Variants in AMD1 observed in about 807,000 individuals in gnomAD.
AMD1 encodes adenosylmethionine decarboxylase 1, also known as S-adenosylmethionine decarboxylase proenzyme.
In AMD1, 11 loss-of-function variants were observed where a neutral mutation model predicts 40.2. The observed-to-expected ratio is 0.27, with a 90% confidence interval of 0.17 to 0.45. The LOEUF (loss-of-function observed/expected upper bound fraction) is 0.45, where lower values mean the gene tolerates loss of function less well. AMD1 is among the 20% of genes least tolerant of loss of function. The pLI, the probability that AMD1 is intolerant of heterozygous loss-of-function variation, is 1.00. For missense variants in AMD1, 257 were observed against 410.2 expected, an observed-to-expected ratio of 0.63 and a Z score of 3.23; for synonymous variants, 121 against 130.8, an observed-to-expected ratio of 0.93 and a Z score of 0.51.
the AMD1 span, among the ~76,000 whole-genome samples, chr6:110,849,771 G>A: frequency 6.6e-6 from 1 of 152,128 alleles, no homozygotes; most frequent in Non-Finnish European, 1.5e-5. Flanking sequence ...TGTAATCCTA[G>A]CACTTTGGGA....
rs992022000 is a variant in AMD1 at position 110,894,816 on chromosome 6, C to G, written c.*1200C>G. The G allele has an allele frequency of 1.1e-4, 17 of 152,274 alleles. No homozygotes were observed. Among genetic ancestry groups the G allele is most frequent in the Non-Finnish European group, 2.1e-4 (14 of 68,030 alleles). The allele number at this position is 152,274 out of a possible 1,614,324, so 9.4% of individuals were successfully genotyped here. A position where few individuals can be genotyped will look rare whatever the true frequency, so the allele number is the denominator to read the frequency against. ...ACTGTGATGCATGTGAGTGTTCCGA[C>G]TTCATCTGTTCCTCTTAACTACGGT... On this transcript the variant is annotated 3_prime_UTR_variant, in exon 9 of 9. Transcript: ENST00000368885.
At chr6:110,819,063 AAAC>A in the AMD1 span, among the ~76,000 whole-genome samples, 1 of 152,150 alleles carries the variant, frequency 6.6e-6, no homozygotes, top group Admixed American at 6.6e-5. Flanking sequence ...AGGACGGTAA[AAAC>A]AACGATCTGG....
chr6:110,888,719 A>G (rs1785843947), intron 2 of AMD1, 138 bp from the exon 3 acceptor site: 1 of 795,470 alleles, frequency 1.3e-6, no homozygotes, highest in East Asian at 2.7e-5. Flanking sequence ...AAGGAAAAGA[A>G]TAATGTGTTA....
At chr6:110,875,314 T>C (rs746779124) in intron 1 of AMD1, 99 bp downstream of exon 1, 125 of 1,017,274 alleles carry the variant, frequency 1.2e-4, no homozygotes, top group Non-Finnish European at 1.6e-4. Flanking sequence ...CAGCTTTCAG[T>C]TGGGGGCAAG....
the AMD1 span, among the ~76,000 whole-genome samples, chr6:110,855,198 C>T: frequency 0.31 from 46,887 of 150,448 alleles, 8,082 homozygotes; most frequent in East Asian, 0.67. Context: ...CTGGCCTATG[C>T]CAGCTTTTTA....
At chr6:110,815,812 C>G in the AMD1 span, 1 of 152,502 alleles carries the variant, frequency 6.6e-6, no homozygotes, top group African/African-American at 2.4e-5. Context: ...CAGCACCTTG[C>G]TGAAGGGTTG....
chr6:110,876,392 C>G (rs1262125001), intron 1 of AMD1, among the ~76,000 whole-genome samples: 2 of 152,156 alleles, frequency 1.3e-5, no homozygotes, highest in Non-Finnish European at 2.9e-5. Context: ...GCTCCTGGGC[C>G]GCACTCAGAG....
At chr6:110,888,673 A>T (rs1785839908) in intron 2 of AMD1, 184 bp from the exon 3 acceptor site, 1 of 470,262 alleles carries the variant, frequency 2.1e-6, no homozygotes, top group Non-Finnish European at 3.7e-6. Context: ...AATGCTTACC[A>T]TGTGCCAAGC....
the AMD1 span, among the ~76,000 whole-genome samples, chr6:110,854,500 G>C: frequency 2.0e-5 from 3 of 151,774 alleles, no homozygotes; most frequent in Non-Finnish European, 4.4e-5. Flanking sequence ...CAAGGCTGGA[G>C]TGCAGTGGTA....
chr6:110,814,970 G>C, the AMD1 span: 68 of 1,597,028 alleles, frequency 4.3e-5, no homozygotes, highest in Non-Finnish European at 5.4e-5. Context: ...GGCAGGGCGA[G>C]GACCCGAGCG....
At chr6:110,893,443 A>G (rs755021282) in intron 8 of AMD1, 33 bp from the exon 9 acceptor site, 50 of 1,608,870 alleles carry the variant, frequency 3.1e-5, no homozygotes, top group Non-Finnish European at 4.0e-5. Flanking sequence ...TCTGGATTGC[A>G]AACACTAACG....
chr6:110,852,180 T>G, the AMD1 span, among the ~76,000 whole-genome samples: 1 of 139,558 alleles, frequency 7.2e-6, no homozygotes, highest in African/African-American at 2.6e-5. Context: ...ACTATAGGCA[T>G]GCACCTCCAC....
At chr6:110,832,965 C>T in the AMD1 span, among the ~76,000 whole-genome samples, 13 of 152,208 alleles carry the variant, frequency 8.5e-5, no homozygotes, top group African/African-American at 2.4e-4. Flanking sequence ...GGATTACAGG[C>T]GCCCACCACC....
the AMD1 span, chr6:110,856,524 G>C: frequency 6.6e-6 from 1 of 152,216 alleles, no homozygotes; most frequent in Admixed American, 6.5e-5. Context: ...CATGTTAAGG[G>C]GGGGAAAAGC....
chr6:110,872,512 G>A (rs1784936598), upstream of AMD1, among the ~76,000 whole-genome samples: 1 of 152,106 alleles, frequency 6.6e-6, no homozygotes, highest in Non-Finnish European at 1.5e-5. Flanking sequence ...GATAGAAATG[G>A]GGCTGAGAAG....
intron 1 of AMD1, among the ~76,000 whole-genome samples, chr6:110,880,291 A>G (rs1239859742): frequency 6.6e-6 from 1 of 152,050 alleles, no homozygotes; most frequent in Non-Finnish European, 1.5e-5. Context: ...TTGACCCCTT[A>G]TGAGGTGACT....
chr6:110,820,858 G>A, the AMD1 span, among the ~76,000 whole-genome samples: 2,079 of 152,152 alleles, frequency 0.014, 57 homozygotes, highest in African/African-American at 0.048. Context: ...AGCTGAGATC[G>A]TGCCACAGCA....
Position 110,874,976 on chromosome 6 carries a change from A to C in AMD1, c.-130A>C, listed in dbSNP as rs1417492455. On this transcript the variant is annotated 5_prime_UTR_variant, in exon 1 of 9. Coordinates refer to ENST00000368885, the MANE Select transcript of AMD1 (RefSeq NM_001634.6). ...AAAAAAGTTAATATAAAATTATAGCAAAAAAAAAAAGGAACCTGAACTTTA... is the reference window on the plus strand; with the variant it reads ...AAAAAAGTTAATATAAAATTATAGCCAAAAAAAAAAGGAACCTGAACTTTA... The C allele has an allele frequency of 2.4e-5, 5 of 211,380 alleles. No homozygotes were observed. The highest frequency in any genetic ancestry group is 1.8e-3 in the Middle Eastern group (1 of 556). 13.1% of individuals were successfully genotyped at this position (211,380 alleles called of 1,614,324 possible).
chr6:110,854,199 G>T, the AMD1 span, among the ~76,000 whole-genome samples: 10 of 152,100 alleles, frequency 6.6e-5, no homozygotes, highest in Non-Finnish European at 1.3e-4. Flanking sequence ...ACACAAACAC[G>T]TTTAACTAGA....
Sources: gnomAD v4.1 joint callset for allele counts (sites outside exome capture counted in the v4.1 genomes callset) on GRCh38, gnomAD v4.1.1 for gene constraint, MANE v1.5 for transcripts, NCBI Gene and HGNC (gene_info 2026-07-23, HGNC 2026-07-21) for gene names.